The following MYOZ2 variants were observed in gnomAD, a reference collection of about 807,000 sequenced individuals.
MYOZ2 encodes the protein myozenin-2.
A neutral mutation model predicts 25.4 loss-of-function variants in MYOZ2; 19 were observed. That is an observed-to-expected ratio of 0.75 (90% confidence interval 0.52 to 1.10). The LOEUF (loss-of-function observed/expected upper bound fraction) is 1.10, where lower values mean the gene tolerates loss of function less well. Among genes scored for constraint, MYOZ2 ranks in the 50% least tolerant of loss-of-function variants. The pLI is 0.00. For synonymous variants in MYOZ2, 92 were observed against 106.9 expected (o/e 0.86, Z 0.86); for missense variants, 270 against 317.9 (o/e 0.85, Z 1.15).
At position 119,137,792 on chromosome 4, in the gene MYOZ2, T is replaced by C. The variant is rs56231990; in HGVS notation, c.76+1191T>C. Among the ~76,000 whole-genome samples, 1,013 of 152,310 alleles carry C rather than the reference T, an allele frequency of 6.7e-3. 5 individuals carry two copies. Among genetic ancestry groups the C allele is most frequent in the Non-Finnish European group, 0.012 (815 of 68,022 alleles). ...TCATACCAATCCAAAGTTCCAAAAT[T>C]CATGCCTTATTTAAAATTTCATGCA... On this transcript the variant is annotated intron_variant, in intron 2 of 5. Coordinates refer to ENST00000307128, the MANE Select transcript of MYOZ2 (RefSeq NM_016599.5).
rs937978717 is a variant in MYOZ2 at position 119,187,558 on chromosome 4, C to T, written c.*1358C>T. 6.6e-6 allele frequency: 1 copy of T among 151,604 alleles called. No individual in the cohort carries two copies. Among genetic ancestry groups the T allele is most frequent in the Non-Finnish European group, 1.5e-5 (1 of 67,892 alleles). The allele number at this position is 151,604 out of a possible 1,614,324, so 9.4% of individuals were successfully genotyped here. On this transcript the variant is annotated 3_prime_UTR_variant, in exon 6 of 6. Coordinates refer to ENST00000307128, the MANE Select transcript of MYOZ2 (RefSeq NM_016599.5). The stretch of plus-strand genomic sequence containing the variant: ...AAAAATTTGCTTATGAAAATATAAC[C>T]CCCAGAAAGTAACAATGACAAAGTA...
rs889874581 is a variant in MYOZ2 at position 119,136,711 on chromosome 4, G to A, written c.76+110G>A. On this transcript the variant is annotated intron_variant, in intron 2 of 5. Transcript: ENST00000307128. The stretch of plus-strand genomic sequence containing the variant: ...ACTTCCTTTAGATTCTTGCTGTTCT[G>A]TCATAACAAACCTGGAGCTCTAGGG... 2 of 1,192,608 alleles carry A rather than the reference G, an allele frequency of 1.7e-6. 1 individual carries two copies. Among genetic ancestry groups the A allele is most frequent in the South Asian group, 2.6e-5 (2 of 76,536 alleles). The allele number at this position is 1,192,608 out of a possible 1,614,324, so 73.9% of individuals were successfully genotyped here.
At chr4:119,158,872 G>T (rs1741645795) in intron 4 of MYOZ2, among the ~76,000 whole-genome samples, 1 of 152,088 alleles carries the variant, frequency 6.6e-6, no homozygotes, top group South Asian at 2.1e-4. Context: ...AACAAAGAAT[G>T]AATAAGACCT....
At chr4:119,155,577 C>T (rs764858596) in intron 3 of MYOZ2, among the ~76,000 whole-genome samples, 21 of 152,032 alleles carry the variant, frequency 1.4e-4, no homozygotes, top group South Asian at 2.1e-4. Context: ...GGTGAAACAG[C>T]TTGTGGGGCT....
At chr4:119,143,202 C>CTT (rs966649631) in intron 2 of MYOZ2, among the ~76,000 whole-genome samples, 2 of 145,802 alleles carry the variant, frequency 1.4e-5, no homozygotes, top group African/African-American at 5.0e-5. Context: ...TTTCTTTTTT[C>CTT]TTTTTTTTTT....
chr4:119,172,802 A>T (rs1561127832), intron 5 of MYOZ2, among the ~76,000 whole-genome samples: 1 of 152,206 alleles, frequency 6.6e-6, no homozygotes, highest in Non-Finnish European at 1.5e-5. Context: ...AGTTTGGCCT[A>T]TTCCTAGGAA....
chr4:119,140,532 G>C (rs370410920), intron 2 of MYOZ2, among the ~76,000 whole-genome samples: 1 of 152,168 alleles, frequency 6.6e-6, no homozygotes, highest in Non-Finnish European at 1.5e-5. Context: ...TTGAAAACTG[G>C]TGTGCAGTCA....
chr4:119,151,162 ATTT>A lies in MYOZ2; in HGVS notation c.246+129_246+131del, dbSNP rs34497965. On this transcript the variant is annotated intron_variant, in intron 3 of 5. Coordinates refer to ENST00000307128, the MANE Select transcript of MYOZ2 (RefSeq NM_016599.5). Reference sequence around the variant, plus strand: ...TTCTTTCAATTTATTCTGTTAGGCTATTTTTTTTTTATCATAATGAATAGTTTA... The same window carrying A: ...TTCTTTCAATTTATTCTGTTAGGCTATTTTTTTATCATAATGAATAGTTTA... 2.1e-3 allele frequency: 1,878 copies of A among 873,772 alleles called. 26 individuals are homozygous for A. The African/African-American group carries it at 0.029, about 14-fold the overall frequency. The allele number at this position is 873,772 out of a possible 1,614,324, so 54.1% of individuals were successfully genotyped here. A position where few individuals can be genotyped will look rare whatever the true frequency, so the allele number is the denominator to read the frequency against.
chr4:119,174,879 C>T (rs758591429), intron 5 of MYOZ2, among the ~76,000 whole-genome samples: 25 of 152,122 alleles, frequency 1.6e-4, no homozygotes, highest in Admixed American at 1.6e-3. Flanking sequence ...AGCTTCACTC[C>T]TGAAGCAGTG....
chr4:119,185,583 G>A (rs532784493), intron 5 of MYOZ2, among the ~76,000 whole-genome samples: 34 of 152,304 alleles, frequency 2.2e-4, no homozygotes, highest in Admixed American at 2.0e-3. Flanking sequence ...CCAAAGTGCT[G>A]GGATTATGGG....
At chr4:119,136,339 A>G (rs1053703085) in intron 1 of MYOZ2, among the ~76,000 whole-genome samples, 173 bp from the exon 2 acceptor site, 3 of 152,222 alleles carry the variant, frequency 2.0e-5, no homozygotes, top group Non-Finnish European at 4.4e-5. Flanking sequence ...ATTGCCTGTC[A>G]ATGAATAACA....
chr4:119,173,744 C>T lies in MYOZ2; in HGVS notation c.560+9350C>T, dbSNP rs184353162. ...AGCCCCTTTCTGGGCTGGACAAGGC[C>T]GGCGCCCACTCCCTCACCTCAGCTT... On this transcript the variant is annotated intron_variant, in intron 5 of 5. Transcript: ENST00000307128. Among the ~76,000 whole-genome samples, 467 of 152,302 alleles carry T rather than the reference C, an allele frequency of 3.1e-3. 2 individuals carry two copies. Among genetic ancestry groups the T allele is most frequent in the African/African-American group, 0.011 (439 of 41,570 alleles).
chr4:119,186,630 A>C lies in MYOZ2; in HGVS notation c.*430A>C. The C allele has an allele frequency of 5.6e-6, 1 of 177,326 alleles. No homozygotes were observed. The highest frequency in any genetic ancestry group is 1.2e-5 in the Non-Finnish European group (1 of 84,320). 11.0% of individuals were successfully genotyped at this position (177,326 alleles called of 1,614,324 possible). A position where few individuals can be genotyped will look rare whatever the true frequency, so the allele number is the denominator to read the frequency against. ...GAAAGCTATGGAAGATGATGTACAA[A>C]TGTTATTGATGGAGAAAATGGTTGG... On this transcript the variant is annotated 3_prime_UTR_variant, in exon 6 of 6. Transcript: ENST00000307128.
rs777496656 is a variant in MYOZ2, at chr4:119,186,098, C to T, written c.693C>T (p.Ser231=). 4.3e-6 allele frequency: 7 copies of T among 1,613,966 alleles called. No individual in the cohort carries two copies. Among genetic ancestry groups the T allele is most frequent in the Non-Finnish European group, 5.1e-6 (6 of 1,179,970 alleles). The change falls in exon 6 of 6, where the codon TCC becomes TCT. Residue 231 remains serine, a synonymous_variant. Transcript: ENST00000307128. ...TCAATCCCCTTTCTGGCAGACGGTC[C>T]TTTAATAGGACTCCTAAGGGATGGA... ...SFVNPLSGRR[S]FNRTPKGWIS... is the part of the protein sequence containing the mutation.
chr4:119,147,568 C>G (rs1741329793), intron 2 of MYOZ2, among the ~76,000 whole-genome samples: 1 of 151,840 alleles, frequency 6.6e-6, no homozygotes, highest in African/African-American at 2.4e-5. Context: ...TGGAGAAACC[C>G]CGTCCCTACT....
At chr4:119,176,992 C>A (rs1202450403) in intron 5 of MYOZ2, among the ~76,000 whole-genome samples, 1 of 152,182 alleles carries the variant, frequency 6.6e-6, no homozygotes, top group African/African-American at 2.4e-5. Context: ...TACTGGGAGG[C>A]GGAGGTTGCA....
intron 3 of MYOZ2, among the ~76,000 whole-genome samples, chr4:119,154,309 G>A (rs1741521945): frequency 6.6e-6 from 1 of 151,764 alleles, no homozygotes; most frequent in African/African-American, 2.4e-5. Flanking sequence ...TTTTCTTTAG[G>A]GTCAACTTAA....
In MYOZ2 at chr4:119,164,303, A is replaced by G; in HGVS notation, c.469A>G (p.Ser157Gly). 6.2e-7 allele frequency: 1 copy of G among 1,614,078 alleles called. No homozygotes were observed. The highest frequency in any genetic ancestry group is 1.1e-5 in the South Asian group (1 of 91,086). The change falls in exon 5 of 6, where the codon AGC (serine) becomes GGC (glycine). Residue 157 changes from serine to glycine, a missense_variant. Transcript: ENST00000307128. ...TCAATCTCCCTGGGAACAAGCCATT[A>G]GCAATGATCCGGAGCTTTTAGAGGC... Reference protein sequence around the residue: ...YYQSPWEQAISNDPELLEALY... With the variant: ...YYQSPWEQAIGNDPELLEALY...
At chr4:119,154,054 T>C (rs1309760895) in intron 3 of MYOZ2, among the ~76,000 whole-genome samples, 1 of 152,078 alleles carries the variant, frequency 6.6e-6, no homozygotes, top group Non-Finnish European at 1.5e-5. Context: ...AAATCTTAAA[T>C]ACTACTGGGA....
Sources: allele counts gnomAD v4.1 joint callset (sites outside exome capture counted in the v4.1 genomes callset), GRCh38; gene constraint gnomAD v4.1.1; transcripts MANE v1.5; gene names NCBI Gene and HGNC (gene_info 2026-07-23, HGNC 2026-07-21).